STEAP4: variants seen among roughly 807,000 people sequenced by gnomAD.
STEAP4 encodes metalloreductase STEAP4.
A neutral mutation model predicts 43.6 loss-of-function variants in STEAP4; 36 were observed. That is an observed-to-expected ratio of 0.83 (90% CI 0.63 to 1.09). STEAP4 has a LOEUF of 1.09. STEAP4 is among the 50% of genes least tolerant of loss of function. The pLI, the probability that STEAP4 is intolerant of heterozygous loss-of-function variation, is 0.00. For missense variants in STEAP4, 495 were observed against 546.5 expected, an observed-to-expected ratio of 0.91 and a Z score of 0.94; for synonymous variants, 191 against 196.7, an observed-to-expected ratio of 0.97 and a Z score of 0.24.
intron 1 of STEAP4, chr7:88,292,100 T>C (rs6465136): frequency 0.036 from 5,400 of 151,464 alleles, 215 homozygotes; most frequent in African/African-American, 0.098. Context: ...TGCGCGCGCG[T>C]GTGTGTGTGT....
rs763339198 is a variant in STEAP4, at chr7:88,279,592, C to T, written c.1186G>A (p.Ala396Thr). Reference sequence around the variant, plus strand: ...TTCCCACCGTACACCAGGGTGTGGGCTGTACACAAGATCAGGGTCAAATAA... The same window carrying T: ...TTCCCACCGTACACCAGGGTGTGGGTTGTACACAAGATCAGGGTCAAATAA... ...LGYLTLILCT[A>T]HTLVYGGKRF... is the part of the protein sequence containing the mutation. Residue 396 changes from alanine (A) to threonine (T), a missense_variant, in exon 5 of 5, where the codon GCC (alanine) becomes ACC (threonine). Transcript: ENST00000380079. 6 of 1,613,680 alleles carry T rather than the reference C, an allele frequency of 3.7e-6. No individual in the cohort carries two copies. In the African/African-American group the frequency reaches 4.0e-5, roughly 11 times the overall value.
At chr7:88,301,575 C>A (rs1853035442) in intron 1 of STEAP4, among the ~76,000 whole-genome samples, 1 of 152,102 alleles carries the variant, frequency 6.6e-6, no homozygotes. Context: ...CTGCACCTGG[C>A]CCCATATCAC....
chr7:88,294,048 G>A (rs959079324), intron 1 of STEAP4, among the ~76,000 whole-genome samples: 11 of 152,172 alleles, frequency 7.2e-5, no homozygotes, highest in African/African-American at 2.2e-4. Flanking sequence ...CATGTTTTAG[G>A]AGAAAAATAT....
rs8122 is a variant in STEAP4, at chr7:88,276,856, T to C, written c.*2542A>G. On this transcript the variant is annotated 3_prime_UTR_variant, in exon 5 of 5. Coordinates refer to ENST00000380079, the MANE Select transcript of STEAP4 (RefSeq NM_024636.4). ...AAATGCAGCTATTATGCCAAAACCA[T>C]CAGAGTGCTCTTTAGCTTCAGGCTT... is the stretch of plus-strand genomic sequence containing the variant. The C allele has an allele frequency of 0.56, 84,592 of 152,276 alleles. 24,042 individuals are homozygous for C. Among genetic ancestry groups the C allele is most frequent in the East Asian group, 0.84 (4,326 of 5,176 alleles). 9.4% of individuals were successfully genotyped at this position (152,276 alleles called of 1,614,324 possible).
chr7:88,283,630 T>G, intron 2 of STEAP4, 184 bp downstream of exon 2: 1 of 668,200 alleles, frequency 1.5e-6, no homozygotes, highest in Non-Finnish European at 2.5e-6. Flanking sequence ...GTGCAGACAG[T>G]GGGAGATATA....
rs1852446595 is a variant in STEAP4, at chr7:88,272,209, T to C, written c.*7189A>G. The stretch of plus-strand genomic sequence containing the variant: ...TGTCTTGGAAGCATCTGTATTCCAA[T>C]GTTAAGCAAGGATTTGGTGGATGAA... On this transcript the variant is annotated 3_prime_UTR_variant, in exon 5 of 5. Transcript: ENST00000380079. 1 of 152,204 alleles carries C rather than the reference T, an allele frequency of 6.6e-6. No homozygotes were observed. The highest frequency in any genetic ancestry group is 2.4e-5 in the African/African-American group (1 of 41,432). 9.4% of individuals were successfully genotyped at this position (152,204 alleles called of 1,614,324 possible).
At chr7:88,283,192 T>A in intron 2 of STEAP4, 24 bp from the exon 3 acceptor site, 1 of 1,513,834 alleles carries the variant, frequency 6.6e-7, no homozygotes, top group Non-Finnish European at 8.8e-7. Context: ...AGTTAATTAA[T>A]TCTGTATTTA....
At position 88,277,953 on chromosome 7, in the gene STEAP4, C is replaced by T. The variant is rs192095901; in HGVS notation, c.*1445G>A. 6.6e-6 allele frequency: 1 copy of T among 151,300 alleles called. No homozygotes were observed. The highest frequency in any genetic ancestry group is 6.6e-5 in the Admixed American group (1 of 15,212). The allele number at this position is 151,300 out of a possible 1,614,324, so 9.4% of individuals were successfully genotyped here. A position where few individuals can be genotyped will look rare whatever the true frequency, so the allele number is the denominator to read the frequency against. On this transcript the variant is annotated 3_prime_UTR_variant, in exon 5 of 5. Coordinates refer to ENST00000380079, the MANE Select transcript of STEAP4 (RefSeq NM_024636.4). ...GGATGTAAAATTGAATATATAGATA[C>T]AATTATTTTTAAAAAGTTTTATAGA...
chr7:88,291,298 A>T (rs1311891566), intron 1 of STEAP4, among the ~76,000 whole-genome samples: 1 of 151,996 alleles, frequency 6.6e-6, no homozygotes, highest in Non-Finnish European at 1.5e-5. Context: ...AGCTTGGCCA[A>T]CATGGTGACA....
Position 88,279,421 on chromosome 7 carries a change from A to T in STEAP4, c.1357T>A (p.Trp453Arg). The T allele has an allele frequency of 6.2e-7, 1 of 1,614,014 alleles. No individual in the cohort carries two copies. Among genetic ancestry groups the T allele is most frequent in the Non-Finnish European group, 8.5e-7 (1 of 1,179,970 alleles). Residue 453 changes from tryptophan to arginine, a missense_variant, in exon 5 of 5, where the codon TGG becomes AGG. Trp to Arg is a moderately radical substitution (Grantham distance 101). Transcript: ENST00000380079. The part of the protein sequence containing the change: ...DNTLTRIRQG[W>R]ERNSKH ...TTCTAGTGTTTTGAGTTCCTTTCCC[A>T]GCCCTGGCGGATCCTTGTAAGGGTG... is the stretch of plus-strand genomic sequence containing the variant.
rs1262797148 is a variant in STEAP4, at chr7:88,281,093, T to C, written c.985-14A>G. 5 of 1,537,470 alleles carry C rather than the reference T, an allele frequency of 3.3e-6. No individual in the cohort carries two copies. The East Asian group carries it at 7.3e-5, about 22-fold the overall frequency. The stretch of plus-strand genomic sequence containing the variant: ...CTTGAGTATTGCCTAAGAAAAATTA[T>C]AAGCAATTACAAAACTACATTTTTA... On this transcript the variant is annotated splice_polypyrimidine_tract_variant and intron_variant, in intron 3 of 4. Transcript: ENST00000380079.
rs988548041 is a variant in STEAP4, at chr7:88,283,342, G to A, written c.457-174C>T. On this transcript the variant is annotated intron_variant, in intron 2 of 4. Transcript: ENST00000380079. ...AAGATGTTTTAAACTTGTATGTGGT[G>A]TCTTAGATAGGTAAGTACCAGGGTT... 3 of 688,032 alleles carry A rather than the reference G, an allele frequency of 4.4e-6. No homozygotes were observed. The African/African-American group carries it at 5.5e-5, about 13-fold the overall frequency. 42.6% of individuals were successfully genotyped at this position (688,032 alleles called of 1,614,324 possible).
chr7:88,293,173 A>G (rs1852866308), intron 1 of STEAP4, among the ~76,000 whole-genome samples: 1 of 151,870 alleles, frequency 6.6e-6, no homozygotes, highest in African/African-American at 2.4e-5. Context: ...CTGATATTTC[A>G]TTGTGGTTTA....
chr7:88,284,469 T>C (rs1348671410), intron 1 of STEAP4, among the ~76,000 whole-genome samples, 198 bp from the exon 2 acceptor site: 2 of 152,204 alleles, frequency 1.3e-5, no homozygotes, highest in Admixed American at 1.3e-4. Context: ...AAAATTGTCA[T>C]ATATCTTTTC....
chr7:88,283,595 G>A (rs940982252), intron 2 of STEAP4: 1 of 595,530 alleles, frequency 1.7e-6, no homozygotes, highest in Admixed American at 3.1e-5. Context: ...GACACCATGG[G>A]GTTCCATCAA....
chr7:88,282,545 T>A, intron 3 of STEAP4, 96 bp downstream of exon 3: 4 of 1,191,312 alleles, frequency 3.4e-6, no homozygotes, highest in Non-Finnish European at 3.5e-6. Context: ...AAGAAGATGC[T>A]TAGAAGAGTG....
At chr7:88,288,366 C>T (rs530912717) in intron 1 of STEAP4, among the ~76,000 whole-genome samples, 1 of 152,248 alleles carries the variant, frequency 6.6e-6, no homozygotes, top group Admixed American at 6.5e-5. Context: ...GACAGGGTTT[C>T]TCCATGTTGG....
rs759614393 is a variant in STEAP4 at position 88,279,532 on chromosome 7, G to T, written c.1246C>A (p.Leu416Ile). 6.2e-7 allele frequency: 1 copy of T among 1,614,144 alleles called. No homozygotes were observed. The highest frequency in any genetic ancestry group is 1.7e-5 in the Admixed American group (1 of 59,994). ...AGCCCTAACACGTAGGCTGCAGGAA[G>T]ATACCATCTGAGATTTGAAGGGCTG... The part of the protein sequence containing the change: ...FLSPSNLRWY[L>I]PAAYVLGLII... The change falls in exon 5 of 5, where the codon CTT becomes ATT. Residue 416 changes from leucine to isoleucine, a missense_variant. Coordinates refer to ENST00000380079, the MANE Select transcript of STEAP4 (RefSeq NM_024636.4).
rs1852530403 is a variant in STEAP4, at chr7:88,277,427, G to A, written c.*1971C>T. 6.6e-6 allele frequency: 1 copy of A among 152,162 alleles called. No homozygotes were observed. The highest frequency in any genetic ancestry group is 6.5e-5 in the Admixed American group (1 of 15,272). The allele number at this position is 152,162 out of a possible 1,614,324, so 9.4% of individuals were successfully genotyped here. A position where few individuals can be genotyped will look rare whatever the true frequency, so the allele number is the denominator to read the frequency against. On this transcript the variant is annotated 3_prime_UTR_variant, in exon 5 of 5. Transcript: ENST00000380079. Reference sequence around the variant, plus strand: ...TAATTAAATTGATAAGGTCACTTTAGAAATGGCTTGGCAACATTATCAGTG... The same window carrying A: ...TAATTAAATTGATAAGGTCACTTTAAAAATGGCTTGGCAACATTATCAGTG...
Sources: allele counts gnomAD v4.1 joint callset (sites outside exome capture counted in the v4.1 genomes callset), GRCh38; gene constraint gnomAD v4.1.1; transcripts MANE v1.5; gene names NCBI Gene and HGNC (gene_info 2026-07-23, HGNC 2026-07-21).